GABRG2: variants seen among roughly 807,000 people sequenced by gnomAD.
GABRG2 encodes the protein gamma-aminobutyric acid type A receptor subunit gamma2, also known as gamma-aminobutyric acid receptor subunit gamma-2.
Under a neutral mutation model 56.4 loss-of-function variants are expected in GABRG2, and 16 were observed. The observed-to-expected ratio is 0.28, with a 90% CI of 0.19 to 0.43. GABRG2 has a LOEUF of 0.43. Ranked by LOEUF, GABRG2 falls within the 20% of genes least tolerant of loss-of-function variation. The pLI is 1.00. For synonymous variants in GABRG2, 208 were observed against 205.5 expected (o/e 1.01, Z -0.10); for missense variants, 327 against 582.7 (o/e 0.56, Z 4.52).
At chr5:162,146,323 C>G (rs141806068) in intron 7 of GABRG2, among the ~76,000 whole-genome samples, 2 of 152,000 alleles carry the variant, frequency 1.3e-5, no homozygotes, top group African/African-American at 4.8e-5. Context: ...CTATCTTGAA[C>G]AAGTTTTTAT....
chr5:162,103,890 T>A lies in GABRG2; in HGVS notation c.633T>A (p.Tyr211Ter), dbSNP rs779447500. Residue 211 changes from tyrosine (Y) to a stop codon, truncating the protein, a stop_gained and splice_region_variant, in exon 6 of 10, where the codon TAT (tyrosine) becomes TAA (stop). Coordinates refer to ENST00000639213, the MANE Select transcript of GABRG2 (RefSeq NM_198904.4). LOFTEE classifies it high-confidence loss of function. The stretch of plus-strand genomic sequence containing the variant: ...GTGAGCTTTCCTATCTCACGGCAGA[T>A]GGCTATCCACGTGAAGAAATTGTTT... ...EHSCPLEFSS[Y>*]GYPREEIVYQ... The A allele has an allele frequency of 6.2e-7, 1 of 1,613,972 alleles. No homozygotes were observed. The highest frequency in any genetic ancestry group is 8.5e-7 in the Non-Finnish European group (1 of 1,179,896).
intron 1 of GABRG2, 74 bp from the exon 2 acceptor site, chr5:162,093,754 C>G (rs894011400): frequency 9.7e-6 from 13 of 1,338,036 alleles, no homozygotes; most frequent in Middle Eastern, 1.8e-4. Context: ...TTCTTCTTTT[C>G]CACTGGTGGT....
chr5:162,089,903 T>G (rs1035813887), intron 1 of GABRG2, among the ~76,000 whole-genome samples: 11 of 152,128 alleles, frequency 7.2e-5, no homozygotes, highest in African/African-American at 2.7e-4. Context: ...AAATTTAAAA[T>G]TCCAGAAACT....
chr5:162,136,513 A>G (rs1318412397), intron 6 of GABRG2, among the ~76,000 whole-genome samples: 1 of 152,006 alleles, frequency 6.6e-6, no homozygotes, highest in Non-Finnish European at 1.5e-5. Context: ...GTGGTCAGAA[A>G]GTTGGAATGA....
intron 1 of GABRG2, among the ~76,000 whole-genome samples, chr5:162,091,649 C>T (rs548915735): frequency 9.9e-5 from 15 of 151,092 alleles, no homozygotes; most frequent in African/African-American, 3.6e-4. Flanking sequence ...GAAAAAAAAA[C>T]TAGGTGATGA....
chr5:162,107,209 T>G (rs1761900865), intron 6 of GABRG2, among the ~76,000 whole-genome samples: 1 of 152,160 alleles, frequency 6.6e-6, no homozygotes, highest in African/African-American at 2.4e-5. Context: ...TGCATAGTAT[T>G]CCTTGATACA....
At chr5:162,075,124 T>C (rs1054004456) in intron 1 of GABRG2, among the ~76,000 whole-genome samples, 16 of 152,150 alleles carry the variant, frequency 1.1e-4, no homozygotes, top group Non-Finnish European at 2.4e-4. Context: ...GCACTGAGGG[T>C]TGTTTTACTA....
At chr5:162,133,164 T>A (rs1345995895) in intron 6 of GABRG2, among the ~76,000 whole-genome samples, 1 of 151,970 alleles carries the variant, frequency 6.6e-6, no homozygotes, top group Non-Finnish European at 1.5e-5. Context: ...AAAAAATCAC[T>A]CAACAGGAAT....
At chr5:162,068,238 G>C (rs1208665400) in intron 1 of GABRG2, 132 bp downstream of exon 1, 21 of 710,310 alleles carry the variant, frequency 3.0e-5, no homozygotes, top group Non-Finnish European at 5.4e-5. Flanking sequence ...TTAGGAGAGA[G>C]CGAATATATG....
At chr5:162,104,331 G>A (rs1761647738) in intron 6 of GABRG2, among the ~76,000 whole-genome samples, 1 of 152,104 alleles carries the variant, frequency 6.6e-6, no homozygotes, top group Non-Finnish European at 1.5e-5. Context: ...GTTTTAGAAA[G>A]TATGTTTCAT....
At chr5:162,117,718 G>A (rs1762715584) in intron 6 of GABRG2, among the ~76,000 whole-genome samples, 1 of 152,046 alleles carries the variant, frequency 6.6e-6, no homozygotes, top group African/African-American at 2.4e-5. Flanking sequence ...GGGACCCCAA[G>A]CAACTGTTCT....
At chr5:162,152,511 A>G in intron 9 of GABRG2, 1 of 426,366 alleles carries the variant, frequency 2.3e-6, no homozygotes, top group Non-Finnish European at 4.6e-6. Context: ...TCTTAAGCTT[A>G]TAGATGGTGA....
chr5:162,078,107 G>A (rs1391485716), intron 1 of GABRG2, among the ~76,000 whole-genome samples: 6 of 151,934 alleles, frequency 3.9e-5, no homozygotes, highest in African/African-American at 1.2e-4. Flanking sequence ...GTAGGAAGTA[G>A]CTTCTGCTAC....
At chr5:162,108,594 C>T (rs746125179) in intron 6 of GABRG2, among the ~76,000 whole-genome samples, 8 of 152,116 alleles carry the variant, frequency 5.3e-5, no homozygotes, top group South Asian at 2.1e-4. Flanking sequence ...ATGTTCACCA[C>T]GGGAGTCAGA....
intron 1 of GABRG2, 87 bp from the exon 2 acceptor site, chr5:162,093,741 T>C: frequency 7.9e-7 from 1 of 1,260,570 alleles, no homozygotes; most frequent in Middle Eastern, 1.9e-4. Flanking sequence ...TATCCTGTTT[T>C]ATTTCTTCTT....
At chr5:162,077,095 G>GTGTGTC (rs1011950479) in intron 1 of GABRG2, among the ~76,000 whole-genome samples, 1 of 150,652 alleles carries the variant, frequency 6.6e-6, no homozygotes, top group African/African-American at 2.5e-5. Flanking sequence ...GTGTGTGTGT[G>GTGTGTC]TGTGTGTGTG....
At chr5:162,111,411 G>A (rs1244968848) in intron 6 of GABRG2, among the ~76,000 whole-genome samples, 3 of 152,116 alleles carry the variant, frequency 2.0e-5, no homozygotes, top group Middle Eastern at 3.2e-3. Flanking sequence ...CAGGGAGATA[G>A]TTTTTAAGGG....
At chr5:162,122,034 T>A (rs979392107) in intron 6 of GABRG2, among the ~76,000 whole-genome samples, 2 of 151,988 alleles carry the variant, frequency 1.3e-5, no homozygotes, top group Non-Finnish European at 2.9e-5. Flanking sequence ...AAAGTCAGGT[T>A]TAAAAACATT....
rs189541270 is a variant in GABRG2 at position 162,120,266 on chromosome 5, C to G, written c.769+16240C>G. On this transcript the variant is annotated intron_variant, in intron 6 of 9. Transcript: ENST00000639213. ...TTGCACCCATACATCTGTCATCTGT[C>G]TGTAATTCTAGATATGATAGTCATT... 1.2e-3 allele frequency among the ~76,000 whole-genome samples: 183 copies of G among 152,220 alleles called. 1 individual carries two copies. In the Middle Eastern group the frequency reaches 0.014, roughly 11 times the overall value.
Sources: allele counts gnomAD v4.1 joint callset (sites outside exome capture counted in the v4.1 genomes callset), GRCh38; gene constraint gnomAD v4.1.1; transcripts MANE v1.5; gene names NCBI Gene and HGNC (gene_info 2026-07-23, HGNC 2026-07-21).